The following LINGO2 variants were observed in gnomAD, a reference collection of about 807,000 sequenced individuals.
LINGO2 encodes leucine-rich repeat and immunoglobulin-like domain-containing nogo receptor-interacting protein 2.
Under a neutral mutation model 30.6 loss-of-function variants are expected in LINGO2, and 14 were observed. The observed-to-expected ratio is 0.46, with a 90% CI of 0.30 to 0.72. LINGO2 has a LOEUF of 0.72. Among genes scored for constraint, LINGO2 ranks in the 30% least tolerant of loss-of-function variants. The probability of loss-of-function intolerance (pLI) is 0.07; values close to 1 mark genes in which losing one functional copy is unlikely to be tolerated. For synonymous variants in LINGO2, 317 were observed against 288.5 expected, an observed-to-expected ratio of 1.10 and a Z score of -1.00; for missense variants, 729 against 751.7, an observed-to-expected ratio of 0.97 and a Z score of 0.35.
the LINGO2 span, among the ~76,000 whole-genome samples, chr9:28,712,408 A>G: frequency 6.6e-6 from 1 of 151,726 alleles, no homozygotes; most frequent in Non-Finnish European, 1.5e-5. Context: ...TTTACAAAGC[A>G]TCTTAGGGAG....
chr9:28,823,296 C>G, the LINGO2 span, among the ~76,000 whole-genome samples: 5 of 152,250 alleles, frequency 3.3e-5, no homozygotes, highest in East Asian at 9.7e-4. Flanking sequence ...CAGTGGGCCA[C>G]TAAATGGACA....
chr9:29,131,495 G>C, the LINGO2 span, among the ~76,000 whole-genome samples: 13 of 151,536 alleles, frequency 8.6e-5, no homozygotes, highest in Non-Finnish European at 1.5e-4. Flanking sequence ...CTCTATTTTG[G>C]GCCCTTGAAA....
At chr9:28,608,747 C>A (rs1825793643) in intron 1 of LINGO2, among the ~76,000 whole-genome samples, 1 of 151,866 alleles carries the variant, frequency 6.6e-6, no homozygotes, top group South Asian at 2.1e-4. Context: ...AAGCATGCTT[C>A]ACAGGTAACT....
At chr9:28,485,895 T>C (rs1826147574) in intron 1 of LINGO2, among the ~76,000 whole-genome samples, 2 of 152,034 alleles carry the variant, frequency 1.3e-5, no homozygotes, top group South Asian at 2.1e-4. Context: ...TGGAAAAAAA[T>C]ATCTTGTTGG....
chr9:29,073,955 A>G, the LINGO2 span, among the ~76,000 whole-genome samples: 1 of 152,312 alleles, frequency 6.6e-6, no homozygotes, highest in African/African-American at 2.4e-5. Context: ...TATGAAAGCT[A>G]CCATTCAGAA....
chr9:28,798,993 A>G, the LINGO2 span, among the ~76,000 whole-genome samples: 1 of 152,156 alleles, frequency 6.6e-6, no homozygotes, highest in African/African-American at 2.4e-5. Context: ...GAGGAACAGA[A>G]AAAATTGAGA....
the LINGO2 span, among the ~76,000 whole-genome samples, chr9:28,998,904 A>T: frequency 0.64 from 97,338 of 151,722 alleles, 31,999 homozygotes; most frequent in Non-Finnish European, 0.72. Flanking sequence ...TGAAGTTAAA[A>T]TTTTCTTCCG....
intron 2 of LINGO2, among the ~76,000 whole-genome samples, chr9:28,376,056 G>A (rs567035625): frequency 6.6e-6 from 1 of 151,204 alleles, no homozygotes; most frequent in Non-Finnish European, 1.5e-5. Context: ...GCATGCAGGT[G>A]ATACACTAGG....
intron 1 of LINGO2, among the ~76,000 whole-genome samples, chr9:28,588,733 T>C (rs112243080): frequency 6.6e-5 from 10 of 152,168 alleles, no homozygotes; most frequent in African/African-American, 1.7e-4. Context: ...AGAAATTTTA[T>C]AGTTCCTTAA....
chr9:27,972,156 G>A lies in LINGO2; in HGVS notation c.-35-21450C>T, dbSNP rs1820387269. 2.0e-5 allele frequency among the ~76,000 whole-genome samples: 3 copies of A among 152,160 alleles called. 1 individual carries two copies. The highest frequency in any genetic ancestry group is 2.0e-4 in the Admixed American group (3 of 15,266). ...AAAGGTACTTAGGTAAAAGAAAGAG[G>A]AGGAAGTTGAGGAATCAAACTTCTC... On this transcript the variant is annotated intron_variant, in intron 5 of 5. Transcript: ENST00000379992.
the LINGO2 span, among the ~76,000 whole-genome samples, chr9:28,677,748 T>C: frequency 1.3e-5 from 2 of 152,164 alleles, no homozygotes; most frequent in Admixed American, 1.3e-4. Context: ...AAAAAATCCA[T>C]TGTAATTTCA....
chr9:28,825,605 G>T, the LINGO2 span, among the ~76,000 whole-genome samples: 1 of 151,176 alleles, frequency 6.6e-6, no homozygotes, highest in African/African-American at 2.4e-5. Context: ...TCAAGAAAGG[G>T]TGATTTGCTG....
chr9:28,367,509 C>T (rs1356370122), intron 3 of LINGO2, among the ~76,000 whole-genome samples: 1 of 151,616 alleles, frequency 6.6e-6, no homozygotes, highest in East Asian at 1.9e-4. Context: ...ACCTTATTTC[C>T]TGGGGGCCAT....
chr9:28,221,178 A>G (rs1311961205), intron 4 of LINGO2, among the ~76,000 whole-genome samples: 1 of 151,734 alleles, frequency 6.6e-6, no homozygotes, highest in East Asian at 2.0e-4. Context: ...GGGCGCCTGT[A>G]AGGTCCCAGC....
At chr9:28,538,172 G>A (rs1821515544) in intron 1 of LINGO2, among the ~76,000 whole-genome samples, 1 of 151,794 alleles carries the variant, frequency 6.6e-6, no homozygotes, top group Admixed American at 6.6e-5. Context: ...ACCAATAGAA[G>A]TACTTCAAGG....
the LINGO2 span, among the ~76,000 whole-genome samples, chr9:29,164,577 T>A: frequency 8.0e-6 from 1 of 125,540 alleles, no homozygotes; most frequent in Non-Finnish European, 1.6e-5. Context: ...TGACCTGCAG[T>A]TGGGTGGGGG....
At chr9:28,473,934 T>A (rs1564223313) in intron 2 of LINGO2, among the ~76,000 whole-genome samples, 1 of 152,144 alleles carries the variant, frequency 6.6e-6, no homozygotes, top group African/African-American at 2.4e-5. Context: ...TAAACTATGA[T>A]AAAAAACATT....
chr9:29,085,577 C>T, the LINGO2 span, among the ~76,000 whole-genome samples: 1 of 151,936 alleles, frequency 6.6e-6, no homozygotes, highest in Non-Finnish European at 1.5e-5. Flanking sequence ...GAAGCAGAAC[C>T]TCTAATAGTT....
intron 1 of LINGO2, among the ~76,000 whole-genome samples, chr9:28,555,454 T>C (rs1278632618): frequency 6.6e-6 from 1 of 151,568 alleles, no homozygotes; most frequent in East Asian, 2.0e-4. Context: ...CAGGAAGCAG[T>C]TGAATCTCTG....
Sources: allele counts gnomAD v4.1 joint callset (sites outside exome capture counted in the v4.1 genomes callset), GRCh38; gene constraint gnomAD v4.1.1; transcripts MANE v1.5; gene names NCBI Gene and HGNC (gene_info 2026-07-23, HGNC 2026-07-21).